MAGI2: variants seen among roughly 807,000 people sequenced by gnomAD.
MAGI2 encodes the protein membrane-associated guanylate kinase, WW and PDZ domain-containing protein 2.
Under a neutral mutation model 133.3 loss-of-function variants are expected in MAGI2, and 35 were observed. The observed-to-expected ratio is 0.26, with a 90% CI of 0.20 to 0.35. The LOEUF is 0.35. Ranked by LOEUF, MAGI2 falls within the 10% of genes least tolerant of loss-of-function variation. MAGI2 has a pLI of 1.00. For synonymous variants in MAGI2, 729 were observed against 710.6 expected, an observed-to-expected ratio of 1.03 and a Z score of -0.41; for missense variants, 1,636 against 1,863.4, an observed-to-expected ratio of 0.88 and a Z score of 2.25.
Position 79,047,680 on chromosome 7 carries a change from T to C in MAGI2, c.302-40474A>G, listed in dbSNP as rs571303748. On this transcript the variant is annotated intron_variant, in intron 1 of 21. Coordinates refer to ENST00000354212, the MANE Select transcript of MAGI2 (RefSeq NM_012301.4). Reference sequence around the variant, plus strand: ...TATATATGTATATGAAGGTTTGATATATGCCATTTGAACAGGACTAGAATT... The same window carrying C: ...TATATATGTATATGAAGGTTTGATACATGCCATTTGAACAGGACTAGAATT... Among the ~76,000 whole-genome samples the C allele has an allele frequency of 2.0e-5, 3 of 152,300 alleles. No homozygotes were observed. In the East Asian group the frequency reaches 5.8e-4, roughly 29 times the overall value.
intron 1 of MAGI2, among the ~76,000 whole-genome samples, chr7:79,279,662 C>T (rs940125217): frequency 3.9e-5 from 6 of 152,140 alleles, no homozygotes; most frequent in Admixed American, 3.3e-4. Flanking sequence ...GAGCAAGACC[C>T]GATCTCAAAG....
chr7:78,073,349 G>C (rs371080993), intron 21 of MAGI2, among the ~76,000 whole-genome samples: 1 of 151,636 alleles, frequency 6.6e-6, no homozygotes, highest in African/African-American at 2.4e-5. Context: ...ATTAGTTGTC[G>C]CTGGGCCATT....
intron 2 of MAGI2, among the ~76,000 whole-genome samples, chr7:78,801,951 A>G (rs1328875966): frequency 1.3e-5 from 2 of 152,182 alleles, no homozygotes; most frequent in African/African-American, 4.8e-5. Flanking sequence ...GGAAACACTG[A>G]GGTGAGCAGA....
In MAGI2 at chr7:78,677,423, C is replaced by T. The variant is rs963992031; in HGVS notation, c.419-50184G>A. Among the ~76,000 whole-genome samples the T allele has an allele frequency of 1.1e-3, 166 of 151,420 alleles. 2 individuals are homozygous for T. The highest frequency in any genetic ancestry group is 2.1e-4 in the South Asian group (1 of 4,790). ...CATATATTAAAGTATATTTTTTATGCTTTCTTTTCAGTTAAAGAAAAAATT... is the reference window on the plus strand; with the variant it reads ...CATATATTAAAGTATATTTTTTATGTTTTCTTTTCAGTTAAAGAAAAAATT... On this transcript the variant is annotated intron_variant, in intron 2 of 21. Coordinates refer to ENST00000354212, the MANE Select transcript of MAGI2 (RefSeq NM_012301.4).
chr7:79,358,221 G>T (rs1163450010), intron 1 of MAGI2, among the ~76,000 whole-genome samples: 1 of 151,878 alleles, frequency 6.6e-6, no homozygotes, highest in Non-Finnish European at 1.5e-5. Flanking sequence ...GCACACACAG[G>T]TGAGAAAAAA....
At chr7:78,588,758 C>A (rs995948731) in intron 3 of MAGI2, among the ~76,000 whole-genome samples, 1 of 152,160 alleles carries the variant, frequency 6.6e-6, no homozygotes, top group African/African-American at 2.4e-5. Flanking sequence ...AAAGCACTTT[C>A]CCAGTTGTCA....
chr7:79,307,289 G>T (rs1200197597), intron 1 of MAGI2, among the ~76,000 whole-genome samples: 1 of 152,120 alleles, frequency 6.6e-6, no homozygotes, highest in Non-Finnish European at 1.5e-5. Context: ...GGCCCAGATG[G>T]ACACAGTTTT....
intron 20 of MAGI2, among the ~76,000 whole-genome samples, chr7:78,097,318 T>C (rs1817791527): frequency 6.6e-6 from 1 of 152,198 alleles, no homozygotes; most frequent in South Asian, 2.1e-4. Flanking sequence ...ACTGGGTATG[T>C]ACTCAGAGGA....
chr7:78,062,422 G>A (rs2189795), intron 21 of MAGI2, among the ~76,000 whole-genome samples: 111,198 of 152,162 alleles, frequency 0.73, 40,872 homozygotes, highest in East Asian at 0.88. Flanking sequence ...CATTGCGCCA[G>A]TCCTCTCCAC....
chr7:79,243,052 C>A (rs369167768), intron 1 of MAGI2, among the ~76,000 whole-genome samples: 1 of 151,982 alleles, frequency 6.6e-6, no homozygotes, highest in Non-Finnish European at 1.5e-5. Context: ...CCTATCTCCA[C>A]TAAAAATACA....
In MAGI2 at chr7:78,255,960, A is replaced by C. The variant is rs1792924742; in HGVS notation, c.2030T>G (p.Leu677Trp). Residue 677 changes from leucine (L) to tryptophan (W), a missense_variant, in exon 10 of 22, where the codon TTG becomes TGG. By Grantham distance (61) the Leu-to-Trp change is moderately conservative. Around this residue, in one of 5 missense-constraint regions of MAGI2, gnomAD observed 920 missense variants for 1,093.5 expected, o/e 0.84. Transcript: ENST00000354212. The part of the protein sequence containing the change: ...KDCPIGSETS[L>W]IIHRGGFFSP... ...TGTCTTACCTCCTCGATGGATAATC[A>C]AAGAAGTTTCACTTCCAATGGGACA... The C allele has an allele frequency of 6.2e-7, 1 of 1,613,864 alleles. No individual in the cohort carries two copies. Among genetic ancestry groups the C allele is most frequent in the East Asian group, 2.2e-5 (1 of 44,762 alleles).
rs1166813378 is a variant in MAGI2 at position 79,324,851 on chromosome 7, A to G, written c.301+128169T>C. The stretch of plus-strand genomic sequence containing the variant: ...CAGGTTACAAGTCTACTCGTCCTTC[A>G]GAGTACAACAAAATGCCTTTTCAGT... On this transcript the variant is annotated intron_variant, in intron 1 of 21. Transcript: ENST00000354212. 2.7e-5 allele frequency among the ~76,000 whole-genome samples: 4 copies of G among 150,290 alleles called. No homozygotes were observed. The East Asian group carries it at 7.9e-4, about 30-fold the overall frequency.
intron 1 of MAGI2, among the ~76,000 whole-genome samples, chr7:79,208,011 T>G (rs1465948583): frequency 1.3e-5 from 2 of 151,910 alleles, no homozygotes; most frequent in Non-Finnish European, 2.9e-5. Context: ...TAGACCTTTC[T>G]CTCACACCAT....
intron 1 of MAGI2, among the ~76,000 whole-genome samples, chr7:79,447,806 TACTC>T (rs976229654): frequency 1.3e-5 from 2 of 151,950 alleles, no homozygotes; most frequent in Non-Finnish European, 2.9e-5. Flanking sequence ...TACATTGCAA[TACTC>T]ACAAATGCAA....
chr7:79,235,116 G>A (rs905999260), intron 1 of MAGI2, among the ~76,000 whole-genome samples: 9 of 151,726 alleles, frequency 5.9e-5, no homozygotes, highest in African/African-American at 9.7e-5. Context: ...GGGGGTCAGG[G>A]GTCAGGGACC....
intron 1 of MAGI2, among the ~76,000 whole-genome samples, chr7:79,064,711 C>G (rs986750601): frequency 6.6e-6 from 1 of 152,052 alleles, no homozygotes; most frequent in Non-Finnish European, 1.5e-5. Flanking sequence ...TGTGAAGTAA[C>G]AGAATTGCCT....
At chr7:78,755,142 G>A (rs1474011801) in intron 2 of MAGI2, among the ~76,000 whole-genome samples, 2 of 152,144 alleles carry the variant, frequency 1.3e-5, no homozygotes, top group Non-Finnish European at 2.9e-5. Context: ...TTAAAAATAT[G>A]CTTTTCTGAA....
At chr7:78,616,879 C>T (rs998245699) in intron 3 of MAGI2, 1 of 152,130 alleles carries the variant, frequency 6.6e-6, no homozygotes, top group Non-Finnish European at 1.5e-5. Flanking sequence ...TTGAGCACTG[C>T]TTAGGTGCCA....
intron 3 of MAGI2, among the ~76,000 whole-genome samples, chr7:78,565,731 T>C (rs1800878182): frequency 6.6e-6 from 1 of 152,184 alleles, no homozygotes; most frequent in Admixed American, 6.5e-5. Context: ...CTAATATACT[T>C]TATTCTAGTC....
Sources: gnomAD v4.1 joint callset for allele counts (sites outside exome capture counted in the v4.1 genomes callset) on GRCh38, gnomAD v4.1.1 for gene constraint, gnomAD v4.1.1 regional missense constraint, MANE v1.5 for transcripts, NCBI Gene and HGNC (gene_info 2026-07-23, HGNC 2026-07-21) for gene names.